Variants in RBMS3 observed in about 807,000 individuals in gnomAD.
RBMS3 encodes the protein RNA-binding motif, single-stranded-interacting protein 3.
RBMS3 carries 27 observed loss-of-function variants against 66.8 expected under a neutral mutation model. That is an observed-to-expected ratio of 0.40 (90% CI 0.30 to 0.56). RBMS3 has a LOEUF of 0.56. Ranked by LOEUF, RBMS3 falls within the 20% of genes least tolerant of loss-of-function variation. The pLI is 0.40. For synonymous variants in RBMS3, 188 were observed against 183.0 expected, an observed-to-expected ratio of 1.03 and a Z score of -0.22; for missense variants, 513 against 549.5, an observed-to-expected ratio of 0.93 and a Z score of 0.66.
intron 6 of RBMS3, among the ~76,000 whole-genome samples, chr3:29,778,442 T>G (rs539667192): frequency 8.4e-4 from 128 of 151,866 alleles, no homozygotes; most frequent in Middle Eastern, 3.4e-3. Flanking sequence ...TTTTTTTTTT[T>G]TGTGCAAGGG....
chr3:29,598,416 G>A (rs188540326), intron 4 of RBMS3, among the ~76,000 whole-genome samples: 5 of 152,066 alleles, frequency 3.3e-5, no homozygotes, highest in Non-Finnish European at 5.9e-5. Flanking sequence ...AATAGGCAAC[G>A]GATTTCCAGA....
intron 6 of RBMS3, among the ~76,000 whole-genome samples, chr3:29,851,475 T>C (rs1207071925): frequency 6.6e-6 from 1 of 152,158 alleles, no homozygotes; most frequent in Non-Finnish European, 1.5e-5. Context: ...TCTCTCATCT[T>C]TAGGACTTTT....
At chr3:29,396,026 A>G (rs540733696) in intron 1 of RBMS3, among the ~76,000 whole-genome samples, 1 of 152,274 alleles carries the variant, frequency 6.6e-6, no homozygotes, top group Admixed American at 6.5e-5. Flanking sequence ...AAGCTGAAAA[A>G]TTGTAACTAT....
At chr3:29,480,501 G>A (rs1379770900) in intron 2 of RBMS3, among the ~76,000 whole-genome samples, 1 of 152,164 alleles carries the variant, frequency 6.6e-6, no homozygotes, top group African/African-American at 2.4e-5. Context: ...GGTAATGCAT[G>A]GATCCCAGGG....
intron 6 of RBMS3, among the ~76,000 whole-genome samples, chr3:29,812,384 A>C (rs1364493579): frequency 1.3e-5 from 2 of 152,172 alleles, no homozygotes; most frequent in African/African-American, 4.8e-5. Flanking sequence ...AGTTTTAAAG[A>C]GACCGTCATT....
intron 1 of RBMS3, among the ~76,000 whole-genome samples, chr3:29,337,953 TTATAAC>T (rs2036049930): frequency 6.6e-6 from 1 of 152,180 alleles, no homozygotes; most frequent in Non-Finnish European, 1.5e-5. Flanking sequence ...GTTGACTACC[TTATAAC>T]CTTGGCTAGA....
chr3:29,530,288 G>A (rs1333755727), intron 3 of RBMS3, among the ~76,000 whole-genome samples: 1 of 152,096 alleles, frequency 6.6e-6, no homozygotes, highest in East Asian at 1.9e-4. Flanking sequence ...ACAGCACATT[G>A]TAAACATTCC....
intron 4 of RBMS3, among the ~76,000 whole-genome samples, chr3:29,690,511 A>G (rs79772491): frequency 0.013 from 1,927 of 152,318 alleles, 17 homozygotes; most frequent in South Asian, 0.031. Context: ...CCTCTAATCA[A>G]TTATCTCTAA....
In RBMS3 at chr3:29,988,265, A is replaced by G. The variant is rs910380183; in HGVS notation, c.1179+42A>G. On this transcript the variant is annotated intron_variant, in intron 13 of 14. Coordinates refer to ENST00000383767, the MANE Select transcript of RBMS3 (RefSeq NM_001003793.3). ...CTAATAAAGAGGTTAGAAGAAATAA[A>G]TCTCAGTCACATATACTGTAGTCCC... is the stretch of plus-strand genomic sequence containing the variant. 3 of 1,520,460 alleles carry G rather than the reference A, an allele frequency of 2.0e-6. No individual in the cohort carries two copies. The African/African-American group carries it at 4.1e-5, about 21-fold the overall frequency. 94.2% of individuals were successfully genotyped at this position (1,520,460 alleles called of 1,614,324 possible).
At chr3:29,693,796 T>C (rs2052146757) in intron 4 of RBMS3, among the ~76,000 whole-genome samples, 1 of 152,228 alleles carries the variant, frequency 6.6e-6, no homozygotes, top group African/African-American at 2.4e-5. Context: ...CAGATTGATT[T>C]TTGTTCATCC....
rs1438934565 is a variant in RBMS3, at chr3:29,845,591, T to C, written c.638-23267T>C. 2.6e-5 allele frequency among the ~76,000 whole-genome samples: 4 copies of C among 152,224 alleles called. No homozygotes were observed. The East Asian group carries it at 7.7e-4, about 29-fold the overall frequency. ...TTTGTGACAAATATATTACAATTATTAATCATTCATTTGATAGGTATTTAT... is the reference window on the plus strand; with the variant it reads ...TTTGTGACAAATATATTACAATTATCAATCATTCATTTGATAGGTATTTAT... On this transcript the variant is annotated intron_variant, in intron 6 of 14. Transcript: ENST00000383767.
chr3:29,477,928 G>A (rs2043007154), intron 2 of RBMS3, among the ~76,000 whole-genome samples: 1 of 151,990 alleles, frequency 6.6e-6, no homozygotes, highest in African/African-American at 2.4e-5. Flanking sequence ...ACGATGCCTG[G>A]TTAAGTTTTG....
intron 6 of RBMS3, among the ~76,000 whole-genome samples, chr3:29,863,589 A>G (rs2059270680): frequency 1.3e-5 from 2 of 152,154 alleles, no homozygotes; most frequent in Non-Finnish European, 2.9e-5. Context: ...GATCCCCCAA[A>G]TATCAGGGTG....
intron 7 of RBMS3, among the ~76,000 whole-genome samples, chr3:29,874,113 A>G (rs1253265825): frequency 6.6e-6 from 1 of 152,200 alleles, no homozygotes; most frequent in Non-Finnish European, 1.5e-5. Flanking sequence ...CTCATTAAAC[A>G]TTTGACCAGT....
rs183478952 is a variant in RBMS3 at position 29,314,967 on chromosome 3, A to G, written c.75+33211A>G. 1.1e-4 allele frequency among the ~76,000 whole-genome samples: 16 copies of G among 151,752 alleles called. No individual in the cohort carries two copies. In the East Asian group the frequency reaches 2.9e-3, roughly 28 times the overall value. On this transcript the variant is annotated intron_variant, in intron 1 of 14. Coordinates refer to ENST00000383767, the MANE Select transcript of RBMS3 (RefSeq NM_001003793.3). ...TTTGGGGAACCCAGGATTGGGAAAC[A>G]TTCTAAATGACTGTGGCCATAAATA...
intron 4 of RBMS3, among the ~76,000 whole-genome samples, chr3:29,636,660 T>C (rs1160605895): frequency 6.6e-6 from 1 of 151,942 alleles, no homozygotes; most frequent in East Asian, 1.9e-4. Context: ...TTATTTTGTA[T>C]GAGCATTTGT....
At chr3:29,385,864 A>G (rs1423262591) in intron 1 of RBMS3, among the ~76,000 whole-genome samples, 2 of 152,126 alleles carry the variant, frequency 1.3e-5, no homozygotes, top group Non-Finnish European at 2.9e-5. Context: ...TAGCAGCTCA[A>G]CACTTTGAGC....
intron 4 of RBMS3, among the ~76,000 whole-genome samples, chr3:29,703,635 T>C (rs2052735338): frequency 6.6e-6 from 1 of 152,218 alleles, no homozygotes; most frequent in Non-Finnish European, 1.5e-5. Context: ...TCCATTTCTA[T>C]CAAGTTAATT....
At chr3:29,843,128 C>T (rs1306654775) in intron 6 of RBMS3, among the ~76,000 whole-genome samples, 2 of 152,336 alleles carry the variant, frequency 1.3e-5, no homozygotes, top group Non-Finnish European at 2.9e-5. Context: ...TTGGATGATA[C>T]ATTTAAGTTC....
Sources: allele counts gnomAD v4.1 joint callset (sites outside exome capture counted in the v4.1 genomes callset), GRCh38; gene constraint gnomAD v4.1.1; transcripts MANE v1.5; gene names NCBI Gene and HGNC (gene_info 2026-07-23, HGNC 2026-07-21).